ZNF518A: variants seen among roughly 807,000 people sequenced by gnomAD.
ZNF518A encodes zinc finger protein 518.
ZNF518A carries 47 observed loss-of-function variants against 102.7 expected under a neutral mutation model. That is an observed-to-expected ratio of 0.46 (90% CI 0.36 to 0.58). ZNF518A has a LOEUF of 0.58. Among genes scored for constraint, ZNF518A ranks in the 20% least tolerant of loss-of-function variants. The probability of loss-of-function intolerance (pLI) is 0.00; values close to 1 mark genes in which losing one functional copy is unlikely to be tolerated. For missense variants in ZNF518A, 1,793 were observed against 1,699.8 expected (o/e 1.05, Z -0.96); for synonymous variants, 652 against 594.6 (o/e 1.10, Z -1.40).
rs1554872551 is a variant in ZNF518A, at chr10:96,132,655, G to T, written c.-383G>T. ...GCAAGTGTTAAATTGTGTGCCTTTT[G>T]TTCCTGAAGAAAGAGGTATGGTAAA... On this transcript the variant is annotated 5_prime_UTR_variant, in exon 2 of 6. Coordinates refer to ENST00000316045, the MANE Select transcript of ZNF518A (RefSeq NM_001330736.2). 6.6e-6 allele frequency: 1 copy of T among 151,928 alleles called. No individual in the cohort carries two copies. The highest frequency in any genetic ancestry group is 2.4e-5 in the African/African-American group (1 of 41,406). The allele number at this position is 151,928 out of a possible 1,614,324, so 9.4% of individuals were successfully genotyped here.
chr10:96,133,195 T>G (rs782019454), intron 2 of ZNF518A, among the ~76,000 whole-genome samples: 11 of 152,196 alleles, frequency 7.2e-5, no homozygotes, highest in South Asian at 2.1e-4. Flanking sequence ...ATTAAAGTCT[T>G]CTGGGTAATG....
In ZNF518A at chr10:96,200,239, T is replaced by C; in HGVS notation, n.36-3335T>C. On this transcript the variant is annotated intron_variant and non_coding_transcript_variant, in intron 1 of 2. Coordinates refer to the ZNF518A transcript ENST00000442635. The surrounding 1 kb of genome is among the most constrained non-coding windows in gnomAD (Gnocchi z 4.3). ...CTGTGTACTAGAAACAAAGACCCAT[T>C]TGCATTATCAAGACAGGCCTCTACA... 1.7e-6 allele frequency: 2 copies of C among 1,153,166 alleles called. No homozygotes were observed. The highest frequency in any genetic ancestry group is 2.6e-6 in the Non-Finnish European group (2 of 773,654). The allele number at this position is 1,153,166 out of a possible 1,614,324, so 71.4% of individuals were successfully genotyped here. A position where few individuals can be genotyped will look rare whatever the true frequency, so the allele number is the denominator to read the frequency against.
intron 1 of ZNF518A, among the ~76,000 whole-genome samples, chr10:96,195,071 A>G (rs955160636): frequency 6.6e-6 from 1 of 152,294 alleles, no homozygotes; most frequent in African/African-American, 2.4e-5. Flanking sequence ...GCCCGGCCAG[A>G]GAAATGCAAA....
At chr10:96,167,225 C>T (rs2083146805), downstream of ZNF518A, among the ~76,000 whole-genome samples, 2 of 152,126 alleles carry the variant, frequency 1.3e-5, no homozygotes, top group Admixed American at 1.3e-4. Context: ...GTTTGGGAGG[C>T]TGAGGTGGGT....
rs1483261531 is a variant in ZNF518A, at chr10:96,200,444, C to T, written n.36-3130C>T. Among the ~76,000 whole-genome samples, 1 of 152,094 alleles carries T rather than the reference C, an allele frequency of 6.6e-6. No homozygotes were observed. The highest frequency in any genetic ancestry group is 2.1e-4 in the South Asian group (1 of 4,816). Reference sequence around the variant, plus strand: ...TTCCATTGTGCTCTTATTGCTCTTACTTTGTGGAGTGCTTTACAATTTCCA... The same window carrying T: ...TTCCATTGTGCTCTTATTGCTCTTATTTTGTGGAGTGCTTTACAATTTCCA... On this transcript the variant is annotated intron_variant and non_coding_transcript_variant, in intron 1 of 2. Coordinates refer to the ZNF518A transcript ENST00000442635. The surrounding 1 kb of genome is among the most constrained non-coding windows in gnomAD (Gnocchi z 4.3).
chr10:96,178,361 T>C lies in ZNF518A; in HGVS notation n.35+22314T>C, dbSNP rs587766969. On this transcript the variant is annotated intron_variant and non_coding_transcript_variant, in intron 1 of 2. Coordinates refer to the ZNF518A transcript ENST00000442635. The stretch of plus-strand genomic sequence containing the variant: ...AGCCCTTTTATGATTAACCCATGAG[T>C]TAAAGAAGAAGTCACAGGGGAAATT... Among the ~76,000 whole-genome samples the C allele has an allele frequency of 2.0e-5, 3 of 152,174 alleles. No individual in the cohort carries two copies. In the South Asian group the frequency reaches 6.2e-4, roughly 32 times the overall value.
chr10:96,164,637 C>T (rs1465721009), downstream of ZNF518A, among the ~76,000 whole-genome samples: 2 of 152,074 alleles, frequency 1.3e-5, no homozygotes, highest in African/African-American at 4.8e-5. Context: ...TCTGTTAATG[C>T]CTCCAAATTT....
chr10:96,173,251 C>T (rs1804916336), intron 1 of ZNF518A, among the ~76,000 whole-genome samples: 1 of 152,098 alleles, frequency 6.6e-6, no homozygotes, highest in South Asian at 2.1e-4. Flanking sequence ...TGGAAATTGG[C>T]AACAGGTACA....
intron 1 of ZNF518A, among the ~76,000 whole-genome samples, chr10:96,172,142 C>T (rs587698047): frequency 5.9e-5 from 9 of 151,872 alleles, no homozygotes; most frequent in South Asian, 4.2e-4. Context: ...CAAATGATGT[C>T]GAGAATAATT....
At chr10:96,145,101 G>A (rs587596787) in intron 3 of ZNF518A, among the ~76,000 whole-genome samples, 4 of 55,286 alleles carry the variant, frequency 7.2e-5, no homozygotes, top group East Asian at 9.4e-4. Flanking sequence ...ATGGAGTCTC[G>A]CTCTGTCGCC....
downstream of ZNF518A, among the ~76,000 whole-genome samples, chr10:96,166,977 A>G (rs1387857814): frequency 2.0e-5 from 3 of 152,234 alleles, no homozygotes; most frequent in Non-Finnish European, 4.4e-5. Flanking sequence ...TAATTAGTCA[A>G]GCCAAGTCAC....
At position 96,180,180 on chromosome 10, in the gene ZNF518A, C is replaced by CTTTTTTTT. The variant is rs60561670; in HGVS notation, n.36-23377_36-23370dup. Among the ~76,000 whole-genome samples the CTTTTTTTT allele has an allele frequency of 5.4e-4, 52 of 96,278 alleles. 2 individuals are homozygous for CTTTTTTTT. The highest frequency in any genetic ancestry group is 4.2e-3 in the East Asian group (14 of 3,368). 63.2% of individuals were successfully genotyped at this position (96,278 alleles called of 152,430 possible). A position where few individuals can be genotyped will look rare whatever the true frequency, so the allele number is the denominator to read the frequency against. ...CAGGCATGAACCACAGCTCCAGCCT[C>CTTTTTTTT]TTTTTTTTTTTTTTTTTTTTTTTTA... On this transcript the variant is annotated intron_variant and non_coding_transcript_variant, in intron 1 of 2. Coordinates refer to the ZNF518A transcript ENST00000442635.
chr10:96,142,899 C>T (rs757321696), intron 3 of ZNF518A, among the ~76,000 whole-genome samples: 9 of 151,846 alleles, frequency 5.9e-5, no homozygotes, highest in Non-Finnish European at 8.8e-5. Flanking sequence ...CTCTGCCACC[C>T]GGGTTCAAGT....
In ZNF518A at chr10:96,158,139, A is replaced by G; in HGVS notation, c.1817A>G (p.Lys606Arg). The G allele has an allele frequency of 6.2e-7, 1 of 1,613,620 alleles. No homozygotes were observed. Among genetic ancestry groups the G allele is most frequent in the Non-Finnish European group, 8.5e-7 (1 of 1,179,692 alleles). The change falls in exon 6 of 6, where the codon AAA becomes AGA. Residue 606 changes from lysine to arginine, a missense_variant. Lys to Arg is a conservative substitution (Grantham distance 26). This residue lies in a region of ZNF518A where 1,741 missense variants were observed against 1,622.6 expected (regional missense o/e 1.07). Transcript: ENST00000316045. ...KSPDKVNCVAKPNAYNSGDMH... is the reference protein window; with the variant it reads ...KSPDKVNCVARPNAYNSGDMH... ...CCAGATAAAGTCAACTGTGTTGCCAAACCAAATGCATACAACAGTGGAGAT... is the reference window on the plus strand; with the variant it reads ...CCAGATAAAGTCAACTGTGTTGCCAGACCAAATGCATACAACAGTGGAGAT...
At chr10:96,191,046 G>A (rs1037141621) in intron 1 of ZNF518A, among the ~76,000 whole-genome samples, 9 of 151,992 alleles carry the variant, frequency 5.9e-5, no homozygotes, top group African/African-American at 1.5e-4. Flanking sequence ...TGAATCACGC[G>A]GGCAGGTTTT....
intron 1 of ZNF518A, among the ~76,000 whole-genome samples, chr10:96,191,235 C>CT (rs34920263): frequency 0.014 from 1,882 of 130,248 alleles, 33 homozygotes; most frequent in East Asian, 0.051. Context: ...CATTAAACCT[C>CT]TTTTTTTTTT....
intron 3 of ZNF518A, among the ~76,000 whole-genome samples, chr10:96,145,572 T>C (rs2082133424): frequency 6.6e-6 from 1 of 152,242 alleles, no homozygotes. Context: ...TGTTTACCAT[T>C]AACTTTGACG....
At chr10:96,144,614 A>C (rs782342458) in intron 3 of ZNF518A, among the ~76,000 whole-genome samples, 1 of 152,214 alleles carries the variant, frequency 6.6e-6, no homozygotes, top group Non-Finnish European at 1.5e-5. Context: ...CAAAGGTTGT[A>C]AGGTCTAAAA....
intron 3 of ZNF518A, among the ~76,000 whole-genome samples, chr10:96,147,640 CCTTTGT>C (rs1336543295): frequency 4.6e-5 from 7 of 151,976 alleles, no homozygotes; most frequent in African/African-American, 1.2e-4. Context: ...AGGTATTGCC[CCTTTGT>C]CTTTGTCCAT....
Sources: gnomAD v4.1 joint callset for allele counts (sites outside exome capture counted in the v4.1 genomes callset) on GRCh38, gnomAD v4.1.1 for gene constraint, gnomAD v4.1.1 regional missense constraint, Gnocchi (gnomAD v3.1) non-coding constraint, MANE v1.5 for transcripts, NCBI Gene and HGNC (gene_info 2026-07-23, HGNC 2026-07-21) for gene names.